SCAF1: variants seen among roughly 807,000 people sequenced by gnomAD.
The protein encoded by SCAF1 is SR-related CTD associated factor 1, also known as splicing factor, arginine/serine-rich 19.
In SCAF1, 28 loss-of-function variants were observed where a neutral mutation model predicts 91.2. That is an observed-to-expected ratio of 0.31 (90% CI 0.23 to 0.42). The LOEUF (loss-of-function observed/expected upper bound fraction) is 0.42, where lower values mean the gene tolerates loss of function less well. Ranked by LOEUF, SCAF1 falls within the 10% of genes least tolerant of loss-of-function variation. The pLI is 1.00. For missense variants in SCAF1, 1,893 were observed against 1,872.1 expected, an observed-to-expected ratio of 1.01 and a Z score of -0.21; for synonymous variants, 1,036 against 833.7, an observed-to-expected ratio of 1.24 and a Z score of -4.18.
In SCAF1 at chr19:49,652,854, C is replaced by T. The variant is rs1338885398; in HGVS notation, c.2465C>T (p.Ser822Leu). The T allele has an allele frequency of 1.2e-6, 2 of 1,614,068 alleles. No individual in the cohort carries two copies. Among genetic ancestry groups the T allele is most frequent in the Admixed American group, 1.7e-5 (1 of 60,020 alleles). Residue 822 changes from serine to leucine, a missense_variant, in exon 7 of 11, where the codon TCG (serine) becomes TTG (leucine). Physicochemically the swap from Ser to Leu is moderately radical, Grantham distance 145. This residue lies in a region of SCAF1 where 1,436 missense variants were observed against 1,306.8 expected (regional missense o/e 1.10). Transcript: ENST00000360565. ...PVSSGSGSSSSSSSCSSRKVK... is the reference protein window; with the variant it reads ...PVSSGSGSSSLSSSCSSRKVK... ...AGCAGCGGCTCAGGCTCTTCATCCTCGTCGTCCTCCTGTTCTTCCCGGAAG... is the reference window on the plus strand; with the variant it reads ...AGCAGCGGCTCAGGCTCTTCATCCTTGTCGTCCTCCTGTTCTTCCCGGAAG...
rs1230064566 is a variant in SCAF1 at position 49,652,219 on chromosome 19, G to T, written c.1830G>T (p.Arg610=). The T allele has an allele frequency of 4.3e-5, 58 of 1,341,876 alleles. No homozygotes were observed. Among genetic ancestry groups the T allele is most frequent in the Non-Finnish European group, 5.1e-5 (54 of 1,050,202 alleles). The allele number at this position is 1,341,876 out of a possible 1,614,324, so 83.1% of individuals were successfully genotyped here. A position where few individuals can be genotyped will look rare whatever the true frequency, so the allele number is the denominator to read the frequency against. The part of the protein sequence containing the change: ...SRSREKRRRR[R]RSASPPPATS... ...CCCGGGAGAAGCGGCGACGGCGGCG[G>T]CGCTCCGCCTCCCCGCCCCCGGCCA... Residue 610 remains arginine, a synonymous_variant, in exon 7 of 11, where the codon CGG becomes CGT. Coordinates refer to ENST00000360565, the MANE Select transcript of SCAF1 (RefSeq NM_021228.3).
rs2081055179 is a variant in SCAF1, at chr19:49,646,347, G to A, written c.261+145G>A. The A allele has an allele frequency of 1.1e-6, 1 of 872,000 alleles. No individual in the cohort carries two copies. Among genetic ancestry groups the A allele is most frequent in the Non-Finnish European group, 1.8e-6 (1 of 568,072 alleles). 54.0% of individuals were successfully genotyped at this position (872,000 alleles called of 1,614,324 possible). A position where few individuals can be genotyped will look rare whatever the true frequency, so the allele number is the denominator to read the frequency against. On this transcript the variant is annotated intron_variant, in intron 4 of 10. Coordinates refer to ENST00000360565, the MANE Select transcript of SCAF1 (RefSeq NM_021228.3). This position sits in a 1 kb window ranked among gnomAD's most constrained non-coding sequence, Gnocchi z 5.6. ...AGGGGCAATGTTGGAGAGTCTGGGG[G>A]CCTGATCTGTGGGCCTGAGCTTTGA...
rs1047961049 is a variant in SCAF1 at position 49,652,554 on chromosome 19, C to T, written c.2165C>T (p.Pro722Leu). 6 of 1,565,526 alleles carry T rather than the reference C, an allele frequency of 3.8e-6. 1 individual carries two copies. The Admixed American group carries it at 7.4e-5, about 19-fold the overall frequency. ...KSDPRGPSPA[P>L]ASSPKREVLY... Reference sequence around the variant, plus strand: ...GACCCCCGAGGACCCTCTCCTGCTCCGGCCTCCTCACCTAAGCGGGAGGTC... The same window carrying T: ...GACCCCCGAGGACCCTCTCCTGCTCTGGCCTCCTCACCTAAGCGGGAGGTC... The change falls in exon 7 of 11, where the codon CCG (proline) becomes CTG (leucine). Residue 722 changes from proline (P) to leucine (L), a missense_variant. Coordinates refer to ENST00000360565, the MANE Select transcript of SCAF1 (RefSeq NM_021228.3).
At chr19:49,655,090 T>G (rs942371735) in intron 9 of SCAF1, among the ~76,000 whole-genome samples, 1 of 152,170 alleles carries the variant, frequency 6.6e-6, no homozygotes. Flanking sequence ...TGTGCGTGTG[T>G]GGGGCTGTGT....
At chr19:49,644,291 C>CT (rs2081042458) in intron 1 of SCAF1, among the ~76,000 whole-genome samples, 2 of 152,232 alleles carry the variant, frequency 1.3e-5, no homozygotes, top group South Asian at 4.1e-4. Context: ...GATCTTTCAA[C>CT]TGCCTGACTG....
chr19:49,653,746 G>A (rs2081120458), intron 7 of SCAF1, 41 bp downstream of exon 7: 3 of 1,467,626 alleles, frequency 2.0e-6, no homozygotes, highest in Non-Finnish European at 1.8e-6. Flanking sequence ...GGGCAGGTGA[G>A]ACAGGATGGG....
At chr19:49,650,349 C>G (rs2081078092) in intron 6 of SCAF1, among the ~76,000 whole-genome samples, 2 of 152,174 alleles carry the variant, frequency 1.3e-5, no homozygotes, top group South Asian at 4.1e-4. Context: ...CAGGCCAGAG[C>G]TTGTTTTTGT....
intron 9 of SCAF1, among the ~76,000 whole-genome samples, chr19:49,655,340 C>G (rs1208034767): frequency 2.6e-5 from 4 of 152,266 alleles, no homozygotes; most frequent in East Asian, 1.9e-4. Context: ...AGCTGTTTCT[C>G]TCTTGGTCAG....
Position 49,653,018 on chromosome 19 carries a change from C to T in SCAF1, c.2629C>T (p.Leu877Phe), listed in dbSNP as rs1181817244. ...TGACCGCGAGAGTCGCTCCCCCTTC[C>T]TCAAACCTGACGAGCGGGCCCCCAC... ...SRDRESRSPF[L>F]KPDERAPTEM... is the part of the protein sequence containing the mutation. Residue 877 changes from leucine (L) to phenylalanine (F), a missense_variant, in exon 7 of 11, where the codon CTC (leucine) becomes TTC (phenylalanine). Around this residue, in one of 5 missense-constraint regions of SCAF1, gnomAD observed 1,436 missense variants for 1,306.8 expected, o/e 1.10. Coordinates refer to ENST00000360565, the MANE Select transcript of SCAF1 (RefSeq NM_021228.3). 2 of 1,613,908 alleles carry T rather than the reference C, an allele frequency of 1.2e-6. No individual in the cohort carries two copies. Among genetic ancestry groups the T allele is most frequent in the Non-Finnish European group, 1.7e-6 (2 of 1,180,040 alleles).
rs1299488644 is a variant in SCAF1, at chr19:49,650,968, A to G, written c.579A>G (p.Ala193=). The change falls in exon 7 of 11, where the codon GCA becomes GCG. Residue 193 remains alanine, a synonymous_variant. Transcript: ENST00000360565. ...GPAPPPAPSS[A]SSSPSPSPSS... ...CCCCACCCCCTGCCCCCTCCTCTGC[A>G]TCCTCCTCCCCTTCCCCTTCTCCCT... 2 of 874,812 alleles carry G rather than the reference A, an allele frequency of 2.3e-6. No homozygotes were observed. The highest frequency in any genetic ancestry group is 1.8e-5 in the South Asian group (1 of 56,648). 54.2% of individuals were successfully genotyped at this position (874,812 alleles called of 1,614,324 possible). A position where few individuals can be genotyped will look rare whatever the true frequency, so the allele number is the denominator to read the frequency against.
chr19:49,648,404 GC>G lies in SCAF1; in HGVS notation c.478+1577del, dbSNP rs543106208. 4.6e-5 allele frequency among the ~76,000 whole-genome samples: 7 copies of G among 152,146 alleles called. No individual in the cohort carries two copies. The South Asian group carries it at 1.5e-3, about 32-fold the overall frequency. On this transcript the variant is annotated intron_variant, in intron 6 of 10. Coordinates refer to ENST00000360565, the MANE Select transcript of SCAF1 (RefSeq NM_021228.3). ...TGGGATTATGGGCGTGAGCCACCACGCCCAGCCTTTATTTTTTATTTTTTTA... is the reference window on the plus strand; with the variant it reads ...TGGGATTATGGGCGTGAGCCACCACGCCAGCCTTTATTTTTTATTTTTTTA...
At chr19:49,644,533 C>T (rs995806098) in intron 1 of SCAF1, among the ~76,000 whole-genome samples, 7 of 152,200 alleles carry the variant, frequency 4.6e-5, no homozygotes, top group African/African-American at 7.2e-5. Flanking sequence ...TCTAGGAAGC[C>T]GTGTGGTGTT....
In SCAF1 at chr19:49,653,254, C is replaced by G. The variant is rs776347974; in HGVS notation, c.2865C>G (p.Gly955=). 6.7e-6 allele frequency: 10 copies of G among 1,489,426 alleles called. No individual in the cohort carries two copies. Among genetic ancestry groups the G allele is most frequent in the African/African-American group, 2.8e-5 (2 of 71,464 alleles). The allele number at this position is 1,489,426 out of a possible 1,614,324, so 92.3% of individuals were successfully genotyped here. Residue 955 remains glycine (G), a synonymous_variant, in exon 7 of 11, where the codon GGC becomes GGG. Coordinates refer to ENST00000360565, the MANE Select transcript of SCAF1 (RefSeq NM_021228.3). ...SKADSCSQAA[G]TKGAEETSWS... is the part of the protein sequence containing the mutation. The stretch of plus-strand genomic sequence containing the variant: ...CGGATAGCTGCAGCCAGGCGGCAGG[C>G]ACCAAGGGGGCGGAGGAGACTTCCT...
At chr19:49,644,636 G>C (rs1204217386) in intron 1 of SCAF1, among the ~76,000 whole-genome samples, 2 of 152,192 alleles carry the variant, frequency 1.3e-5, no homozygotes, top group African/African-American at 4.8e-5. Context: ...TCACAGTGCA[G>C]CACACACAAA....
In SCAF1 at chr19:49,652,545, C is replaced by T; in HGVS notation, c.2156C>T (p.Ser719Phe). The T allele has an allele frequency of 6.4e-7, 1 of 1,569,740 alleles. No homozygotes were observed. Among genetic ancestry groups the T allele is most frequent in the Non-Finnish European group, 8.6e-7 (1 of 1,156,666 alleles). ...GACAAGTCCGACCCCCGAGGACCCTCTCCTGCTCCGGCCTCCTCACCTAAG... is the reference window on the plus strand; with the variant it reads ...GACAAGTCCGACCCCCGAGGACCCTTTCCTGCTCCGGCCTCCTCACCTAAG... ...RLDKSDPRGP[S>F]PAPASSPKRE... The change falls in exon 7 of 11, where the codon TCT becomes TTT. Residue 719 changes from serine (S) to phenylalanine (F), a missense_variant. By Grantham distance (155) the Ser-to-Phe change is radical. Around this residue, in one of 5 missense-constraint regions of SCAF1, gnomAD observed 1,436 missense variants for 1,306.8 expected, o/e 1.10. Coordinates refer to ENST00000360565, the MANE Select transcript of SCAF1 (RefSeq NM_021228.3).
In SCAF1 at chr19:49,654,711, C is replaced by A. The variant is rs144625329; in HGVS notation, c.3459C>A (p.Thr1153=). Residue 1153 remains threonine (T), a synonymous_variant, in exon 9 of 11, where the codon ACC becomes ACA. Transcript: ENST00000360565. ...SLGMTPAPVP[T]SLGLPPGPSS... Reference sequence around the variant, plus strand: ...GGATGACCCCAGCTCCTGTGCCCACCTCTTTGGGTCTGCCCCCTGGCCCCT... The same window carrying A: ...GGATGACCCCAGCTCCTGTGCCCACATCTTTGGGTCTGCCCCCTGGCCCCT... 2 of 1,614,156 alleles carry A rather than the reference C, an allele frequency of 1.2e-6. No homozygotes were observed. Among genetic ancestry groups the A allele is most frequent in the Non-Finnish European group, 1.7e-6 (2 of 1,180,016 alleles).
chr19:49,646,323 G>T lies in SCAF1; in HGVS notation c.261+121G>T. 2.1e-6 allele frequency: 2 copies of T among 952,754 alleles called. No homozygotes were observed. Among genetic ancestry groups the T allele is most frequent in the East Asian group, 2.6e-5 (1 of 38,424 alleles). 59.0% of individuals were successfully genotyped at this position (952,754 alleles called of 1,614,324 possible). ...ACTCCTGGCTCTGCGATGCTGACCA[G>T]GGGCAATGTTGGAGAGTCTGGGGGC... On this transcript the variant is annotated intron_variant, in intron 4 of 10. Transcript: ENST00000360565. The surrounding 1 kb of genome is among the most constrained non-coding windows in gnomAD (Gnocchi z 5.6).
At chr19:49,656,218 T>C (rs2081138569) in intron 9 of SCAF1, among the ~76,000 whole-genome samples, 3 of 152,172 alleles carry the variant, frequency 2.0e-5, no homozygotes, top group Admixed American at 6.5e-5. Context: ...TGCTCTGCCC[T>C]TTGCCCCGCT....
intron 6 of SCAF1, among the ~76,000 whole-genome samples, 189 bp downstream of exon 6, chr19:49,647,019 A>G (rs1274778906): frequency 1.3e-5 from 2 of 152,248 alleles, no homozygotes; most frequent in African/African-American, 2.4e-5. Context: ...TGCTGGGGCT[A>G]TGTGGGAGTG....
Sources: gnomAD v4.1 joint callset for allele counts (sites outside exome capture counted in the v4.1 genomes callset) on GRCh38, gnomAD v4.1.1 for gene constraint, gnomAD v4.1.1 regional missense constraint, Gnocchi (gnomAD v3.1) non-coding constraint, MANE v1.5 for transcripts, NCBI Gene and HGNC (gene_info 2026-07-23, HGNC 2026-07-21) for gene names.